FOXN2: variants seen among roughly 807,000 people sequenced by gnomAD.
The protein encoded by FOXN2 is forkhead box N2, also known as forkhead box protein N2.
A neutral mutation model predicts 41.2 loss-of-function variants in FOXN2; 19 were observed. The observed-to-expected ratio is 0.46, with a 90% CI of 0.32 to 0.68. FOXN2 has a LOEUF of 0.68. FOXN2 is among the 30% of genes least tolerant of loss of function. The pLI is 0.03. For missense variants in FOXN2, 587 were observed against 509.4 expected (o/e 1.15, Z -1.47); for synonymous variants, 195 against 176.8 (o/e 1.10, Z -0.82).
In FOXN2 at chr2:48,346,622, A is replaced by G. The variant is rs763202933; in HGVS notation, c.408A>G (p.Lys136=). The change falls in exon 3 of 7, where the codon AAA becomes AAG. Residue 136 remains lysine, a synonymous_variant. Coordinates refer to ENST00000340553, the MANE Select transcript of FOXN2 (RefSeq NM_002158.4). ...CTCCAAATAAATGTTTGCCTGTCAA[A>G]GAAATTTATAGCTGGATTCTGGACC... is the stretch of plus-strand genomic sequence containing the variant. ...EHSPNKCLPV[K]EIYSWILDHF... is the part of the protein sequence containing the mutation. 1 of 1,614,182 alleles carries G rather than the reference A, an allele frequency of 6.2e-7. No homozygotes were observed. Among genetic ancestry groups the G allele is most frequent in the East Asian group, 2.2e-5 (1 of 44,888 alleles).
chr2:48,326,134 GC>G (rs1669659155), intron 1 of FOXN2, among the ~76,000 whole-genome samples: 1 of 152,144 alleles, frequency 6.6e-6, no homozygotes, highest in Admixed American at 6.5e-5. Context: ...ACAGACATGA[GC>G]CACCGTGCCC....
At chr2:48,353,987 CACTT>C (rs1159425246) in intron 3 of FOXN2, among the ~76,000 whole-genome samples, 3 of 152,084 alleles carry the variant, frequency 2.0e-5, no homozygotes, top group South Asian at 2.1e-4. Context: ...TGAATTGTGT[CACTT>C]AATTCTTTTA....
intron 4 of FOXN2, among the ~76,000 whole-genome samples, chr2:48,360,033 C>G (rs1305091066): frequency 6.6e-6 from 1 of 151,802 alleles, no homozygotes; most frequent in East Asian, 1.9e-4. Context: ...ATGCTTTGAA[C>G]TTTGTTTTTA....
chr2:48,324,231 G>A (rs1572697646), intron 1 of FOXN2, among the ~76,000 whole-genome samples: 1 of 101,468 alleles, frequency 9.9e-6, no homozygotes, highest in African/African-American at 3.7e-5. Context: ...GTTTCGCTCT[G>A]TCTCCCAGGC....
At chr2:48,347,220 C>CTTTTTTTTT (rs751958598) in intron 3 of FOXN2, among the ~76,000 whole-genome samples, 19 of 75,740 alleles carry the variant, frequency 2.5e-4, no homozygotes, top group Non-Finnish European at 3.1e-4. Flanking sequence ...TGTTTTGGTG[C>CTTTTTTTTT]TTTTTTTTTT....
chr2:48,327,812 G>A (rs1669778343), intron 1 of FOXN2, among the ~76,000 whole-genome samples: 2 of 152,266 alleles, frequency 1.3e-5, no homozygotes, highest in African/African-American at 4.8e-5. Context: ...TTAAGTCAGA[G>A]TACGTATGAG....
chr2:48,346,254 G>T lies in FOXN2; in HGVS notation c.40G>T (p.Glu14Ter). Residue 14 changes from glutamate (E) to a stop codon, truncating the protein, a stop_gained, in exon 3 of 7, where the codon GAA (glutamate) becomes TAA (stop). Transcript: ENST00000340553. LOFTEE classifies it high-confidence loss of function. ...VIGMTPDKRA[E>*]TPGAEKIAGL... Reference sequence around the variant, plus strand: ...TGGAATGACTCCAGATAAGAGAGCTGAAACCCCAGGAGCTGAAAAGATTGC... The same window carrying T: ...TGGAATGACTCCAGATAAGAGAGCTTAAACCCCAGGAGCTGAAAAGATTGC... The T allele has an allele frequency of 1.9e-6, 3 of 1,613,530 alleles. No homozygotes were observed. The highest frequency in any genetic ancestry group is 2.5e-6 in the Non-Finnish European group (3 of 1,179,842).
Position 48,335,767 on chromosome 2 carries a change from C to T in FOXN2, c.-15+7065C>T, listed in dbSNP as rs111805377. ...TATTGGCTGGGCACGGTGGCTCACGCCTGTAATCCCAGCACTTTGGGAGGC... is the reference window on the plus strand; with the variant it reads ...TATTGGCTGGGCACGGTGGCTCACGTCTGTAATCCCAGCACTTTGGGAGGC... On this transcript the variant is annotated intron_variant, in intron 2 of 6. Coordinates refer to ENST00000340553, the MANE Select transcript of FOXN2 (RefSeq NM_002158.4). 3.3e-5 allele frequency among the ~76,000 whole-genome samples: 5 copies of T among 152,228 alleles called. No homozygotes were observed. The East Asian group carries it at 7.7e-4, about 24-fold the overall frequency.
chr2:48,325,116 G>C (rs1159101516), intron 1 of FOXN2, among the ~76,000 whole-genome samples: 3 of 152,172 alleles, frequency 2.0e-5, no homozygotes, highest in African/African-American at 7.2e-5. Flanking sequence ...TTGTTTGTTT[G>C]TTTTTGGTCT....
chr2:48,331,736 G>C (rs1031997594), intron 2 of FOXN2, among the ~76,000 whole-genome samples: 4 of 151,538 alleles, frequency 2.6e-5, no homozygotes, highest in Non-Finnish European at 5.9e-5. Flanking sequence ...AGGATCGCTT[G>C]AGCCCAAGAG....
chr2:48,346,097 A>T (rs1671078785), intron 2 of FOXN2, 104 bp from the exon 3 acceptor site: 17 of 954,518 alleles, frequency 1.8e-5, no homozygotes, highest in Non-Finnish European at 2.4e-5. Context: ...GGGACAATTG[A>T]TTGCAAAATT....
At chr2:48,364,001 G>A (rs111708432) in intron 5 of FOXN2, among the ~76,000 whole-genome samples, 1 of 152,162 alleles carries the variant, frequency 6.6e-6, no homozygotes, top group Non-Finnish European at 1.5e-5. Flanking sequence ...CTGGGCTCAA[G>A]TGATCTCCTA....
chr2:48,340,735 A>G (rs1219704214), intron 2 of FOXN2: 1 of 152,200 alleles, frequency 6.6e-6, no homozygotes, highest in Non-Finnish European at 1.5e-5. Flanking sequence ...TATCGCAAGT[A>G]ATTGCAGTGG....
chr2:48,340,518 G>GA (rs896057655), intron 2 of FOXN2, among the ~76,000 whole-genome samples: 67 of 149,186 alleles, frequency 4.5e-4, no homozygotes, highest in East Asian at 1.2e-3. Context: ...GCACAACTGT[G>GA]AAAAAAAAAA....
intron 1 of FOXN2, among the ~76,000 whole-genome samples, chr2:48,319,951 G>A (rs1484117729): frequency 2.0e-5 from 3 of 151,492 alleles, no homozygotes; most frequent in East Asian, 1.9e-4. Flanking sequence ...ATTAAATTTT[G>A]CATTATACAG....
At position 48,346,767 on chromosome 2, in the gene FOXN2, C is replaced by T. The variant is rs77109586; in HGVS notation, c.537+16C>T. On this transcript the variant is annotated intron_variant, in intron 3 of 6. Transcript: ENST00000340553. ...CCATGGCAAGGTCAGTGTTTATGAA[C>T]ATTGCTATATTTGGTGAGGTGGGGG... is the stretch of plus-strand genomic sequence containing the variant. 1,725 of 1,545,614 alleles carry T rather than the reference C, an allele frequency of 1.1e-3. 18 individuals are homozygous for T. The African/African-American group carries it at 0.022, about 19-fold the overall frequency.
At position 48,346,717 on chromosome 2, in the gene FOXN2, A is replaced by C. The variant is rs763008415; in HGVS notation, c.503A>C (p.Lys168Thr). The C allele has an allele frequency of 6.3e-7, 1 of 1,597,528 alleles. No individual in the cohort carries two copies. The highest frequency in any genetic ancestry group is 8.5e-7 in the Non-Finnish European group (1 of 1,174,844). The change falls in exon 3 of 7, where the codon AAA becomes ACA. Residue 168 changes from lysine (K) to threonine (T), a missense_variant. Lys to Thr is a moderately conservative substitution (Grantham distance 78). Coordinates refer to ENST00000340553, the MANE Select transcript of FOXN2 (RefSeq NM_002158.4). ...NSVRHNLSLNKCFQKVERSHG... is the reference protein window; with the variant it reads ...NSVRHNLSLNTCFQKVERSHG... ...GTTCGACATAATCTGTCCCTGAATA[A>C]ATGTTTTCAGAAAGTGGAAAGAAGC...
chr2:48,338,242 T>G (rs1359266723), intron 2 of FOXN2, among the ~76,000 whole-genome samples: 1 of 152,164 alleles, frequency 6.6e-6, no homozygotes, highest in Non-Finnish European at 1.5e-5. Context: ...GGCCTGTTCT[T>G]TAGTAGGAGA....
rs796366211 is a variant in FOXN2 at position 48,374,504 on chromosome 2, C to A, written c.773-416C>A. Among the ~76,000 whole-genome samples the A allele has an allele frequency of 5.9e-5, 9 of 152,090 alleles. 1 individual carries two copies. The highest frequency in any genetic ancestry group is 2.2e-4 in the African/African-American group (9 of 41,496). On this transcript the variant is annotated intron_variant, in intron 6 of 6. Coordinates refer to ENST00000340553, the MANE Select transcript of FOXN2 (RefSeq NM_002158.4). The stretch of plus-strand genomic sequence containing the variant: ...AATTATAATTTTAAATGTATATATC[C>A]CTTAGCAATTTTTTCATATCTCTTT...
Sources: gnomAD v4.1 joint callset for allele counts (sites outside exome capture counted in the v4.1 genomes callset) on GRCh38, gnomAD v4.1.1 for gene constraint, MANE v1.5 for transcripts, NCBI Gene and HGNC (gene_info 2026-07-23, HGNC 2026-07-21) for gene names.